SRGAP3: variants seen among roughly 807,000 people sequenced by gnomAD.
SRGAP3 encodes SLIT-ROBO Rho GTPase-activating protein 3.
SRGAP3 carries 39 observed loss-of-function variants against 121.1 expected under a neutral mutation model. The observed-to-expected ratio is 0.32, with a 90% CI of 0.25 to 0.42. The LOEUF (loss-of-function observed/expected upper bound fraction) is 0.42. Ranked by LOEUF, SRGAP3 falls within the 10% of genes least tolerant of loss-of-function variation. The pLI, the probability that SRGAP3 is intolerant of heterozygous loss-of-function variation, is 1.00. For synonymous variants in SRGAP3, 601 were observed against 570.0 expected, an observed-to-expected ratio of 1.05 and a Z score of -0.77; for missense variants, 1,213 against 1,470.6, an observed-to-expected ratio of 0.82 and a Z score of 2.86.
intron 4 of SRGAP3, among the ~76,000 whole-genome samples, chr3:9,076,450 A>AAC: frequency 1.4e-5 from 1 of 70,098 alleles, no homozygotes; most frequent in South Asian, 3.9e-4. Flanking sequence ...TTTGGCAACA[A>AAC]AGAGGAGAGC....
At chr3:9,155,317 G>C (rs73118623) in intron 1 of SRGAP3, among the ~76,000 whole-genome samples, 7,474 of 152,196 alleles carry the variant, frequency 0.049, 268 homozygotes, top group African/African-American at 0.11. Flanking sequence ...CTCTCTGGAG[G>C]CTTTGAGAGT....
chr3:9,074,448 T>C (rs886746706), intron 4 of SRGAP3, among the ~76,000 whole-genome samples: 6 of 152,180 alleles, frequency 3.9e-5, no homozygotes, highest in African/African-American at 1.2e-4. Context: ...CTAAAACCTG[T>C]GCTCTTCCAG....
chr3:9,064,683 A>ACT, intron 4 of SRGAP3, 102 bp from the exon 5 acceptor site: 1 of 1,405,396 alleles, frequency 7.1e-7, no homozygotes, highest in Non-Finnish European at 9.8e-7. Context: ...CTAGCTGGCC[A>ACT]CTGCCCTGGT....
At chr3:9,222,771 A>G (rs1405310483) in intron 1 of SRGAP3, among the ~76,000 whole-genome samples, 1 of 152,196 alleles carries the variant, frequency 6.6e-6, no homozygotes, top group African/African-American at 2.4e-5. Flanking sequence ...CCTAGCATGC[A>G]TATCACTGTG....
chr3:9,026,983 C>G lies in SRGAP3; in HGVS notation c.1552G>C (p.Ala518Pro), dbSNP rs2125073291. 1 of 1,614,172 alleles carries G rather than the reference C, an allele frequency of 6.2e-7. No individual in the cohort carries two copies. Among genetic ancestry groups the G allele is most frequent in the African/African-American group, 1.3e-5 (1 of 75,042 alleles). Reference protein sequence around the residue: ...MEAFIKDSGQAIPLVVESCIR... With the variant: ...MEAFIKDSGQPIPLVVESCIR... ...CAGCTCTCGACTACAAGCGGTATAG[C>G]TTGTCCTGAATCCTTGAGAAAAGAA... The change falls in exon 13 of 22, where the codon GCT becomes CCT. Residue 518 changes from alanine to proline, a missense_variant. Ala to Pro is a conservative substitution (Grantham distance 27). This residue lies in a region of SRGAP3 where 793 missense variants were observed against 1,032.9 expected (regional missense o/e 0.77). Coordinates refer to ENST00000383836, the MANE Select transcript of SRGAP3 (RefSeq NM_014850.4).
intron 2 of SRGAP3, among the ~76,000 whole-genome samples, chr3:9,327,873 T>TG (rs1444177176): frequency 6.6e-6 from 1 of 152,258 alleles, no homozygotes; most frequent in African/African-American, 2.4e-5. Flanking sequence ...ACCAGTCATT[T>TG]TACTTCGGGA....
At chr3:9,072,770 T>G (rs914308137) in intron 4 of SRGAP3, among the ~76,000 whole-genome samples, 14 of 152,210 alleles carry the variant, frequency 9.2e-5, no homozygotes, top group Admixed American at 9.2e-4. Flanking sequence ...TGACTTTCGG[T>G]GTCATGGGAA....
intron 1 of SRGAP3, among the ~76,000 whole-genome samples, chr3:9,186,192 T>C (rs1421813631): frequency 6.6e-6 from 1 of 152,230 alleles, no homozygotes; most frequent in African/African-American, 2.4e-5. Context: ...TGGAGTCTTG[T>C]GGGCCTGGAA....
In SRGAP3 at chr3:9,169,955, G is replaced by T. The variant is rs568918009; in HGVS notation, c.68-45038C>A. Among the ~76,000 whole-genome samples the T allele has an allele frequency of 1.4e-3, 208 of 152,266 alleles. 2 individuals carry two copies. The highest frequency in any genetic ancestry group is 4.8e-3 in the African/African-American group (200 of 41,566). On this transcript the variant is annotated intron_variant, in intron 1 of 21. Transcript: ENST00000383836. ...CCTCTCCTGTAAAATGAAGGGGGCT[G>T]GGTTGGAGTTTCTTCCAACTGGGAG...
chr3:9,210,335 T>C (rs1952406977), intron 1 of SRGAP3, among the ~76,000 whole-genome samples: 1 of 152,276 alleles, frequency 6.6e-6, no homozygotes, highest in South Asian at 2.1e-4. Flanking sequence ...CTTTTAAAAA[T>C]AGAATAGCCA....
chr3:9,168,266 T>G (rs1950861965), intron 1 of SRGAP3, among the ~76,000 whole-genome samples: 2 of 152,184 alleles, frequency 1.3e-5, no homozygotes, highest in Admixed American at 1.3e-4. Context: ...CTGGACAAAC[T>G]CAGACATTTC....
At chr3:9,141,073 A>G (rs568694447) in intron 1 of SRGAP3, among the ~76,000 whole-genome samples, 1 of 152,366 alleles carries the variant, frequency 6.6e-6, no homozygotes, top group South Asian at 2.1e-4. Flanking sequence ...TAATAACCAT[A>G]TCGCCTCCAG....
chr3:9,334,731 C>A (rs1191323418), intron 1 of SRGAP3, among the ~76,000 whole-genome samples: 4 of 152,144 alleles, frequency 2.6e-5, no homozygotes, highest in Admixed American at 6.5e-5. Context: ...TGACAGTCAA[C>A]TACCCAAATG....
In SRGAP3 at chr3:9,013,586, C is replaced by T. The variant is rs556740179; in HGVS notation, c.1920-51G>A. The T allele has an allele frequency of 2.5e-6, 4 of 1,601,344 alleles. No individual in the cohort carries two copies. In the South Asian group the frequency reaches 4.4e-5, roughly 18 times the overall value. ...TCATCTGGGAAAGGCAAGTCCTCCC[C>T]CTGTGTTTTTTTTCTTTTGGGGGAC... On this transcript the variant is annotated intron_variant, in intron 16 of 21. Transcript: ENST00000383836.
rs57076828 is a variant in SRGAP3 at position 9,288,130 on chromosome 3, G to GTTTT, written n.442+37876_442+37879dup. On this transcript the variant is annotated intron_variant and non_coding_transcript_variant, in intron 3 of 3. Transcript: ENST00000490889. ...TATTGAATTGTTTCATTCTATCTTTGTTTTTTTTTTTTTTTTTTCTTTGGA... is the reference window on the plus strand; with the variant it reads ...TATTGAATTGTTTCATTCTATCTTTGTTTTTTTTTTTTTTTTTTTTTTCTTTGGA... Among the ~76,000 whole-genome samples, 222 of 119,072 alleles carry GTTTT rather than the reference G, an allele frequency of 1.9e-3. 7 individuals carry two copies. The highest frequency in any genetic ancestry group is 2.7e-3 in the Non-Finnish European group (158 of 59,436). The allele number at this position is 119,072 out of a possible 152,430, so 78.1% of individuals were successfully genotyped here.
At chr3:9,115,576 C>A (rs1257986699) in intron 2 of SRGAP3, among the ~76,000 whole-genome samples, 1 of 152,070 alleles carries the variant, frequency 6.6e-6, no homozygotes, top group East Asian at 1.9e-4. Flanking sequence ...GATAAAGGAG[C>A]TACAGCCATT....
chr3:8,985,484 A>C lies in SRGAP3; in HGVS notation c.*35T>G. The C allele has an allele frequency of 6.3e-7, 1 of 1,596,554 alleles. No individual in the cohort carries two copies. The highest frequency in any genetic ancestry group is 8.5e-7 in the Non-Finnish European group (1 of 1,178,576). ...AGGCCACCCTGGGCCGTGGTGAGCC[A>C]CAGCGGGCCACGGCGGCGCGGCCCA... On this transcript the variant is annotated 3_prime_UTR_variant, in exon 22 of 22. Transcript: ENST00000383836. This position sits in a 1 kb window ranked among gnomAD's most constrained non-coding sequence, Gnocchi z 5.1.
chr3:9,091,134 A>G (rs912738807), intron 3 of SRGAP3, among the ~76,000 whole-genome samples: 2 of 152,052 alleles, frequency 1.3e-5, no homozygotes, highest in Non-Finnish European at 2.9e-5. Context: ...CAATGACACC[A>G]TCCTAAACAA....
chr3:9,312,962 G>A (rs1356265932), intron 3 of SRGAP3, among the ~76,000 whole-genome samples: 25 of 152,002 alleles, frequency 1.6e-4, no homozygotes, highest in Admixed American at 6.6e-5. Flanking sequence ...ACTGCACTAC[G>A]GCCTGGGTGA....
Sources: allele counts gnomAD v4.1 joint callset (sites outside exome capture counted in the v4.1 genomes callset), GRCh38; gene constraint gnomAD v4.1.1; regional missense constraint gnomAD v4.1.1; non-coding constraint Gnocchi (gnomAD v3.1); transcripts MANE v1.5; gene names NCBI Gene and HGNC (gene_info 2026-07-23, HGNC 2026-07-21).